PRPF8: variants seen among roughly 807,000 people sequenced by gnomAD.
The protein encoded by PRPF8 is pre-mRNA processing factor 8.
Under a neutral mutation model 285.9 loss-of-function variants are expected in PRPF8, and 64 were observed. That is an observed-to-expected ratio of 0.22 (90% confidence interval 0.18 to 0.28). The LOEUF is 0.28. Ranked by LOEUF, PRPF8 falls within the 10% of genes least tolerant of loss-of-function variation. PRPF8 has a pLI of 1.00. For missense variants in PRPF8, 1,426 were observed against 3,026.7 expected, an observed-to-expected ratio of 0.47 and a Z score of 12.41; for synonymous variants, 1,325 against 1,118.2, an observed-to-expected ratio of 1.18 and a Z score of -3.69.
intron 6 of PRPF8, 110 bp from the exon 7 acceptor site, chr17:1,681,164 G>C: frequency 3.3e-6 from 4 of 1,215,850 alleles, no homozygotes; most frequent in Non-Finnish European, 4.8e-6. Context: ...CTGCAGCCGT[G>C]ACCTCCTGGG....
chr17:1,682,411 A>G, intron 3 of PRPF8, 118 bp from the exon 4 acceptor site: 1 of 1,338,458 alleles, frequency 7.5e-7, no homozygotes, highest in South Asian at 1.2e-5. Flanking sequence ...CAAACTCCCA[A>G]ACTTAGCCCA....
At position 1,676,874 on chromosome 17, in the gene PRPF8, G is replaced by GA. The variant is rs998935202; in HGVS notation, c.2181+101dup. On this transcript the variant is annotated intron_variant, in intron 15 of 42. Transcript: ENST00000304992. The surrounding 1 kb of genome is among the most constrained non-coding windows in gnomAD (Gnocchi z 6.3). ...TCTTTTCCCTGTCTAAAAGGGAAAA[G>GA]AAAAGAGATTGGAGCCAGATAGCCC... The GA allele has an allele frequency of 6.6e-7, 1 of 1,519,348 alleles. No homozygotes were observed. The highest frequency in any genetic ancestry group is 1.4e-5 in the African/African-American group (1 of 72,850). 94.1% of individuals were successfully genotyped at this position (1,519,348 alleles called of 1,614,324 possible). A position where few individuals can be genotyped will look rare whatever the true frequency, so the allele number is the denominator to read the frequency against.
rs964954703 is a variant in PRPF8 at position 1,679,549 on chromosome 17, T to C, written c.1289+60A>G. ...AAAAAAAGGCTACATGCCCACCTAG[T>C]TGGAGTCTTTTCTCCTACACATCCA... On this transcript the variant is annotated intron_variant, in intron 9 of 42. Transcript: ENST00000304992. The surrounding 1 kb of genome is among the most constrained non-coding windows in gnomAD (Gnocchi z 4.7). 10 of 1,603,998 alleles carry C rather than the reference T, an allele frequency of 6.2e-6. No homozygotes were observed. The Admixed American group carries it at 1.0e-4, about 16-fold the overall frequency.
Position 1,661,467 on chromosome 17 carries a change from T to C in PRPF8, c.4203-61A>G. The C allele has an allele frequency of 6.2e-7, 1 of 1,613,118 alleles. No individual in the cohort carries two copies. The highest frequency in any genetic ancestry group is 8.5e-7 in the Non-Finnish European group (1 of 1,179,766). Reference sequence around the variant, plus strand: ...TCTCATATGAGGAGCTCAGCACTCCTTCCTGGCCAAAAATAATTAGGGTCA... The same window carrying C: ...TCTCATATGAGGAGCTCAGCACTCCCTCCTGGCCAAAAATAATTAGGGTCA... On this transcript the variant is annotated intron_variant, in intron 26 of 42. Transcript: ENST00000304992. The surrounding 1 kb of genome is among the most constrained non-coding windows in gnomAD (Gnocchi z 7.3).
intron 24 of PRPF8, among the ~76,000 whole-genome samples, chr17:1,667,372 G>A (rs1363470351): frequency 6.6e-6 from 1 of 152,170 alleles, no homozygotes. Context: ...GGAGCCCAGT[G>A]TTCCTTTACT....
intron 24 of PRPF8, among the ~76,000 whole-genome samples, chr17:1,671,215 T>C (rs1352833760): frequency 1.3e-5 from 2 of 152,224 alleles, no homozygotes; most frequent in African/African-American, 4.8e-5. Flanking sequence ...AATCCTTTCC[T>C]CTTCCACTTC....
Position 1,675,624 on chromosome 17 carries a change from A to C in PRPF8, c.2868T>G (p.Cys956Trp), listed in dbSNP as rs1567688488. The C allele has an allele frequency of 6.2e-7, 1 of 1,614,116 alleles. No individual in the cohort carries two copies. The highest frequency in any genetic ancestry group is 8.5e-7 in the Non-Finnish European group (1 of 1,180,016). ...GCGATCTCATGAAAGTTCTACCTTGACACCACTTGTAAACAAGCAGCGGAG... is the reference window on the plus strand; with the variant it reads ...GCGATCTCATGAAAGTTCTACCTTGCCACCACTTGTAAACAAGCAGCGGAG... ...EPPPLLVYKWCQGINNLQDVW... is the reference protein window; with the variant it reads ...EPPPLLVYKWWQGINNLQDVW... The change falls in exon 19 of 43, where the codon TGT becomes TGG. Residue 956 changes from cysteine (C) to tryptophan (W), a missense_variant. Cys to Trp is a radical substitution (Grantham distance 215). Around this residue, in one of 34 missense-constraint regions of PRPF8, gnomAD observed 37 missense variants for 43.4 expected, o/e 0.85. Coordinates refer to ENST00000304992, the MANE Select transcript of PRPF8 (RefSeq NM_006445.4). The surrounding 1 kb of genome is among the most constrained non-coding windows in gnomAD (Gnocchi z 6.0).
At position 1,676,106 on chromosome 17, in the gene PRPF8, C is replaced by T. The variant is rs1248323994; in HGVS notation, c.2553-52G>A. ...TGGGAAAACTAGGAGGAAGTAAAAC[C>T]AGGAAAGACTGGGGCTACACCTTCT... On this transcript the variant is annotated intron_variant, in intron 17 of 42. Transcript: ENST00000304992. This position sits in a 1 kb window ranked among gnomAD's most constrained non-coding sequence, Gnocchi z 6.3. 10 of 1,612,032 alleles carry T rather than the reference C, an allele frequency of 6.2e-6. No individual in the cohort carries two copies. Among genetic ancestry groups the T allele is most frequent in the Non-Finnish European group, 7.6e-6 (9 of 1,179,924 alleles).
At position 1,659,662 on chromosome 17, in the gene PRPF8, G is replaced by C; in HGVS notation, c.4947-114C>G. ...CCACCCACTCCACCAACTTGTTCCAGGTCAGCAGGACCCCAGAGAATCAGC... is the reference window on the plus strand; with the variant it reads ...CCACCCACTCCACCAACTTGTTCCACGTCAGCAGGACCCCAGAGAATCAGC... On this transcript the variant is annotated intron_variant, in intron 31 of 42. Transcript: ENST00000304992. The surrounding 1 kb of genome is among the most constrained non-coding windows in gnomAD (Gnocchi z 5.1). 7.1e-7 allele frequency: 1 copy of C among 1,416,192 alleles called. No individual in the cohort carries two copies. Among genetic ancestry groups the C allele is most frequent in the Non-Finnish European group, 9.8e-7 (1 of 1,020,748 alleles). The allele number at this position is 1,416,192 out of a possible 1,614,324, so 87.7% of individuals were successfully genotyped here. A position where few individuals can be genotyped will look rare whatever the true frequency, so the allele number is the denominator to read the frequency against.
At chr17:1,671,526 G>A (rs1912315249) in intron 24 of PRPF8, among the ~76,000 whole-genome samples, 1 of 152,112 alleles carries the variant, frequency 6.6e-6, no homozygotes, top group Non-Finnish European at 1.5e-5. Flanking sequence ...GACCAGCCTG[G>A]ACAAGAGAGT....
intron 4 of PRPF8, 22 bp from the exon 5 acceptor site, chr17:1,682,060 A>C (rs1912961013): frequency 6.2e-7 from 1 of 1,613,196 alleles, no homozygotes; most frequent in African/African-American, 1.3e-5. Context: ...GACATCACAC[A>C]ACCATTTCTA....
chr17:1,662,192 CA>C (rs766827941), intron 24 of PRPF8, 39 bp from the exon 25 acceptor site: 11 of 1,612,894 alleles, frequency 6.8e-6, no homozygotes, highest in Middle Eastern at 1.7e-4. Flanking sequence ...ACAGATGAGC[CA>C]GGGGCGGGGA....
chr17:1,673,573 C>A lies in PRPF8; in HGVS notation c.3447-6G>T. 6.2e-7 allele frequency: 1 copy of A among 1,614,032 alleles called. No individual in the cohort carries two copies. Among genetic ancestry groups the A allele is most frequent in the Non-Finnish European group, 8.5e-7 (1 of 1,180,028 alleles). On this transcript the variant is annotated splice_polypyrimidine_tract_variant and splice_region_variant and intron_variant, in intron 22 of 42. Transcript: ENST00000304992. This position sits in a 1 kb window ranked among gnomAD's most constrained non-coding sequence, Gnocchi z 5.5. ...CCCAGAATACCGCCCGGCCTCTGCC[C>A]ACAGAGAACACATGGTCACAGCAGT...
In PRPF8 at chr17:1,651,047, G is replaced by A. The variant is rs1911022330; in HGVS notation, c.6853+61C>T. The A allele has an allele frequency of 5.0e-6, 8 of 1,613,658 alleles. No individual in the cohort carries two copies. The highest frequency in any genetic ancestry group is 1.6e-4 in the Middle Eastern group (1 of 6,082). On this transcript the variant is annotated intron_variant, in intron 42 of 42. Coordinates refer to ENST00000304992, the MANE Select transcript of PRPF8 (RefSeq NM_006445.4). The surrounding 1 kb of genome is among the most constrained non-coding windows in gnomAD (Gnocchi z 5.1). Reference sequence around the variant, plus strand: ...AAGCCAGCCAGGCCCCAAGTGCAAAGGGCGATGGCCTCACCTTATCCCTAC... The same window carrying A: ...AAGCCAGCCAGGCCCCAAGTGCAAAAGGCGATGGCCTCACCTTATCCCTAC...
chr17:1,683,818 G>GA, intron 2 of PRPF8, 117 bp from the exon 3 acceptor site: 1 of 1,204,562 alleles, frequency 8.3e-7, no homozygotes, highest in East Asian at 2.5e-5. Context: ...CCAGCAGGAA[G>GA]AAGCACCCCT....
chr17:1,652,682 A>C (rs1192524802), intron 39 of PRPF8: 1 of 149,858 alleles, frequency 6.7e-6, no homozygotes, highest in Non-Finnish European at 1.5e-5. Flanking sequence ...AGTAGCTGAG[A>C]TTACAGGTGT....
rs1409503709 is a variant in PRPF8 at position 1,673,349 on chromosome 17, G to T, written c.3657+8C>A. On this transcript the variant is annotated splice_region_variant and intron_variant, in intron 23 of 42. Coordinates refer to ENST00000304992, the MANE Select transcript of PRPF8 (RefSeq NM_006445.4). This position sits in a 1 kb window ranked among gnomAD's most constrained non-coding sequence, Gnocchi z 5.5. The stretch of plus-strand genomic sequence containing the variant: ...TTCATGTCACTCCCAGCCCCGCCCA[G>T]GCTGTACCTCATTCTGCAGGTTCCA... 6.2e-7 allele frequency: 1 copy of T among 1,613,904 alleles called. No individual in the cohort carries two copies. The highest frequency in any genetic ancestry group is 8.5e-7 in the Non-Finnish European group (1 of 1,179,978).
chr17:1,683,406 C>T (rs1597251562), intron 3 of PRPF8, 127 bp downstream of exon 3: 1 of 1,042,650 alleles, frequency 9.6e-7, no homozygotes, highest in Non-Finnish European at 1.5e-6. Flanking sequence ...TCAGAGACTC[C>T]TACTGGTTTT....
Position 1,682,050 on chromosome 17 carries a change from GACATCAC to G in PRPF8, c.435-19_435-13del, listed in dbSNP as rs774442583. 7.2e-5 allele frequency: 116 copies of G among 1,613,756 alleles called. No individual in the cohort carries two copies. Among genetic ancestry groups the G allele is most frequent in the African/African-American group, 2.9e-4 (22 of 74,908 alleles). On this transcript the variant is annotated splice_polypyrimidine_tract_variant and intron_variant, in intron 4 of 42. Coordinates refer to ENST00000304992, the MANE Select transcript of PRPF8 (RefSeq NM_006445.4). The stretch of plus-strand genomic sequence containing the variant: ...TAATCCACATTGACCTGGAAGGCAA[GACATCAC>G]ACAACCATTTCTACCCACTGCCTCC...
Sources: gnomAD v4.1 joint callset for allele counts (sites outside exome capture counted in the v4.1 genomes callset) on GRCh38, gnomAD v4.1.1 for gene constraint, gnomAD v4.1.1 regional missense constraint, Gnocchi (gnomAD v3.1) non-coding constraint, MANE v1.5 for transcripts, NCBI Gene and HGNC (gene_info 2026-07-23, HGNC 2026-07-21) for gene names.